PARVB: variants seen among roughly 807,000 people sequenced by gnomAD.
PARVB encodes the protein beta-parvin.
A neutral mutation model predicts 47.0 loss-of-function variants in PARVB; 46 were observed. The ratio of observed to expected loss-of-function variants is 0.98; its 90% confidence interval spans 0.77 to 1.25. The LOEUF (loss-of-function observed/expected upper bound fraction) is 1.25, where lower values mean the gene tolerates loss of function less well. Among genes scored for constraint, PARVB ranks in the 50% most tolerant of loss-of-function variants. The probability of loss-of-function intolerance (pLI) is 0.00; values close to 1 mark genes in which losing one functional copy is unlikely to be tolerated. For missense variants in PARVB, 473 were observed against 471.6 expected, an observed-to-expected ratio of 1.00 and a Z score of -0.03; for synonymous variants, 196 against 196.3, an observed-to-expected ratio of 1.00 and a Z score of 0.01.
chr22:44,163,893 G>A lies in PARVB; in HGVS notation c.981G>A (p.Leu327=), dbSNP rs1048457073. The A allele has an allele frequency of 1.2e-6, 2 of 1,611,360 alleles. No homozygotes were observed. Among genetic ancestry groups the A allele is most frequent in the East Asian group, 2.2e-5 (1 of 44,774 alleles). Residue 327 remains leucine (L), a synonymous_variant, in exon 12 of 13, where the codon CTG becomes CTA. Transcript: ENST00000338758. ...HNVSFAFELM[L]DGGLKKPKAR... is the part of the protein sequence containing the mutation. Reference sequence around the variant, plus strand: ...TGTCCTTCGCCTTTGAGCTGATGCTGGACGGAGGCCTCAAGAAACCCAAGG... The same window carrying A: ...TGTCCTTCGCCTTTGAGCTGATGCTAGACGGAGGCCTCAAGAAACCCAAGG...
In PARVB at chr22:44,068,926, A is replaced by G. The variant is rs2051591933; in HGVS notation, c.113-25002A>G. ...CCATGAGGCTGATGGGAGTCAAGAC[A>G]GAAATAGTGGTCTGTGGTCAGCAAG... On this transcript the variant is annotated intron_variant, in intron 1 of 12. Coordinates refer to ENST00000338758, the MANE Select transcript of PARVB (RefSeq NM_013327.5). This position sits in a 1 kb window ranked among gnomAD's most constrained non-coding sequence, Gnocchi z 4.1. The G allele has an allele frequency of 3.5e-6, 2 of 569,918 alleles. No individual in the cohort carries two copies. Among genetic ancestry groups the G allele is most frequent in the Non-Finnish European group, 6.3e-6 (2 of 319,470 alleles). 35.3% of individuals were successfully genotyped at this position (569,918 alleles called of 1,614,324 possible).
rs1048932260 is a variant in PARVB, at chr22:44,068,922, A to G, written c.113-25006A>G. The G allele has an allele frequency of 3.5e-6, 2 of 565,716 alleles. No individual in the cohort carries two copies. The highest frequency in any genetic ancestry group is 1.9e-5 in the African/African-American group (1 of 53,282). 35.0% of individuals were successfully genotyped at this position (565,716 alleles called of 1,614,324 possible). A position where few individuals can be genotyped will look rare whatever the true frequency, so the allele number is the denominator to read the frequency against. The stretch of plus-strand genomic sequence containing the variant: ...TGGCCCATGAGGCTGATGGGAGTCA[A>G]GACAGAAATAGTGGTCTGTGGTCAG... On this transcript the variant is annotated intron_variant, in intron 1 of 12. Transcript: ENST00000338758. This position sits in a 1 kb window ranked among gnomAD's most constrained non-coding sequence, Gnocchi z 4.1.
chr22:44,033,005 G>T (rs1237838808), intron 1 of PARVB, among the ~76,000 whole-genome samples: 3 of 152,178 alleles, frequency 2.0e-5, no homozygotes, highest in Non-Finnish European at 4.4e-5. Context: ...AACAAAAGTT[G>T]TGTGAATCGT....
At chr22:44,092,054 A>G (rs1045599268) in intron 1 of PARVB, among the ~76,000 whole-genome samples, 2 of 152,092 alleles carry the variant, frequency 1.3e-5, no homozygotes, top group African/African-American at 2.4e-5. Context: ...TAGCCCTTCC[A>G]AAGACCCTGG....
chr22:44,011,179 G>A (rs892376377), intron 2 of PARVB, among the ~76,000 whole-genome samples: 3 of 151,960 alleles, frequency 2.0e-5, no homozygotes. Context: ...TTGCTGTGTT[G>A]CCCAGGTTGT....
At chr22:44,051,251 T>C (rs2051202943) in intron 1 of PARVB, among the ~76,000 whole-genome samples, 2 of 152,156 alleles carry the variant, frequency 1.3e-5, no homozygotes, top group South Asian at 4.1e-4. Context: ...AACTGAAAAA[T>C]ATCAACAATT....
chr22:44,130,518 G>A (rs751567450), intron 4 of PARVB, among the ~76,000 whole-genome samples: 6 of 152,172 alleles, frequency 3.9e-5, no homozygotes, highest in Non-Finnish European at 7.3e-5. Context: ...GTGCTCCTCC[G>A]GATTGTTTCC....
At chr22:44,088,642 T>C (rs2052089490) in intron 1 of PARVB, among the ~76,000 whole-genome samples, 1 of 152,106 alleles carries the variant, frequency 6.6e-6, no homozygotes, top group Non-Finnish European at 1.5e-5. Flanking sequence ...TGACTAATGT[T>C]TGTATTTTTA....
At position 44,155,938 on chromosome 22, in the gene PARVB, G is replaced by A. The variant is rs903640066; in HGVS notation, c.844-2044G>A. On this transcript the variant is annotated intron_variant, in intron 10 of 12. Transcript: ENST00000338758. The surrounding 1 kb of genome is among the most constrained non-coding windows in gnomAD (Gnocchi z 4.8). ...GTGGCCGAGGTGGGTGGATCATGAG[G>A]TCAGGAGTTCAAGACCAGCCTGACC... Among the ~76,000 whole-genome samples, 4 of 152,112 alleles carry A rather than the reference G, an allele frequency of 2.6e-5. No individual in the cohort carries two copies.
chr22:44,100,235 T>C (rs1168946860), intron 3 of PARVB, 112 bp downstream of exon 3: 1 of 820,126 alleles, frequency 1.2e-6, no homozygotes, highest in Admixed American at 2.0e-5. Flanking sequence ...GAAAGGGATG[T>C]TGGTGCTGCA....
At chr22:44,128,879 A>G (rs981947623) in intron 4 of PARVB, among the ~76,000 whole-genome samples, 2 of 152,184 alleles carry the variant, frequency 1.3e-5, no homozygotes, top group Non-Finnish European at 2.9e-5. Flanking sequence ...GGAATTCGAG[A>G]CCAGCCTGAT....
chr22:44,127,016 C>G (rs896498074), intron 4 of PARVB, among the ~76,000 whole-genome samples: 1 of 152,136 alleles, frequency 6.6e-6, no homozygotes, highest in East Asian at 1.9e-4. Context: ...TTTTGGTTCC[C>G]TCTTCAGTTA....
chr22:44,013,782 G>A lies in PARVB; in HGVS notation c.211+14109G>A, dbSNP rs573019373. Among the ~76,000 whole-genome samples, 502 of 152,106 alleles carry A rather than the reference G, an allele frequency of 3.3e-3. 1 individual carries two copies. Among genetic ancestry groups the A allele is most frequent in the Middle Eastern group, 6.8e-3 (2 of 294 alleles). ...TGAGTAGCTGGGATTACAGGTGCCCGCCACCATGCTCAGCTAATTTTTGTA... is the reference window on the plus strand; with the variant it reads ...TGAGTAGCTGGGATTACAGGTGCCCACCACCATGCTCAGCTAATTTTTGTA... On this transcript the variant is annotated intron_variant, in intron 2 of 13. Coordinates refer to the PARVB transcript ENST00000406477.
At chr22:44,134,119 G>A (rs768567212) in intron 6 of PARVB, among the ~76,000 whole-genome samples, 4 of 152,108 alleles carry the variant, frequency 2.6e-5, no homozygotes, top group South Asian at 2.1e-4. Context: ...CTCTGTGGTC[G>A]GGGAGGACCT....
intron 2 of PARVB, among the ~76,000 whole-genome samples, chr22:44,001,700 GCATTTTACCATTGGCAGCAAA>G (rs1187265433): frequency 1.3e-5 from 2 of 152,284 alleles, no homozygotes; most frequent in African/African-American, 4.8e-5. Flanking sequence ...CTTGAAGCCC[GCATTTTACCATTGGCAGCAAA>G]CACTTGAAGC....
At chr22:44,051,267 G>A (rs1052447603) in intron 1 of PARVB, among the ~76,000 whole-genome samples, 1 of 152,196 alleles carries the variant, frequency 6.6e-6, no homozygotes, top group Admixed American at 6.5e-5. Context: ...CAATTCTTAC[G>A]AAGAGAGAAG....
rs972986668 is a variant in PARVB at position 44,049,955 on chromosome 22, C to G, written c.112+25504C>G. On this transcript the variant is annotated intron_variant, in intron 1 of 12. Transcript: ENST00000338758. The surrounding 1 kb of genome is among the most constrained non-coding windows in gnomAD (Gnocchi z 4.0). ...CTTGAGTTTGGGGTTTCTGTTTTACCTACACTTCCATATTGTGGGCATGTG... is the reference window on the plus strand; with the variant it reads ...CTTGAGTTTGGGGTTTCTGTTTTACGTACACTTCCATATTGTGGGCATGTG... Among the ~76,000 whole-genome samples the G allele has an allele frequency of 6.6e-6, 1 of 152,212 alleles. No homozygotes were observed. The highest frequency in any genetic ancestry group is 1.5e-5 in the Non-Finnish European group (1 of 68,046).
In PARVB at chr22:44,060,068, A is replaced by G. The variant is rs2051391362; in HGVS notation, c.113-33860A>G. ...GGGGGCTCATGTCTGTCATCCTAGC[A>G]CTTTGGAAGGCCAAGGCAGGTGGAT... On this transcript the variant is annotated intron_variant, in intron 1 of 12. Transcript: ENST00000338758. 2.0e-5 allele frequency among the ~76,000 whole-genome samples: 3 copies of G among 152,158 alleles called. No individual in the cohort carries two copies. The South Asian group carries it at 6.2e-4, about 32-fold the overall frequency.
rs1569089786 is a variant in PARVB, at chr22:44,069,158, CG to C, written c.113-24769del. 5 of 1,612,242 alleles carry C rather than the reference CG, an allele frequency of 3.1e-6. No homozygotes were observed. The East Asian group carries it at 6.7e-5, about 22-fold the overall frequency. ...GAGCTGCCGCCAGCTGCACCCTCCTCGCCAGTGAGTTCTGTTGCTTTCGTAT... is the reference window on the plus strand; with the variant it reads ...GAGCTGCCGCCAGCTGCACCCTCCTCCCAGTGAGTTCTGTTGCTTTCGTAT... On this transcript the variant is annotated intron_variant, in intron 1 of 12. Transcript: ENST00000338758.
Sources: gnomAD v4.1 joint callset for allele counts (sites outside exome capture counted in the v4.1 genomes callset) on GRCh38, gnomAD v4.1.1 for gene constraint, Gnocchi (gnomAD v3.1) non-coding constraint, MANE v1.5 for transcripts, NCBI Gene and HGNC (gene_info 2026-07-23, HGNC 2026-07-21) for gene names.